CACNB2: variants seen among roughly 807,000 people sequenced by gnomAD.
CACNB2 encodes voltage-dependent L-type calcium channel subunit beta-2.
Under a neutral mutation model 73.3 loss-of-function variants are expected in CACNB2, and 42 were observed. The ratio of observed to expected loss-of-function variants is 0.57; its 90% CI spans 0.45 to 0.74. The LOEUF (loss-of-function observed/expected upper bound fraction) is 0.74, where lower values mean the gene tolerates loss of function less well. Ranked by LOEUF, CACNB2 falls within the 30% of genes least tolerant of loss-of-function variation. The pLI is 0.00. For synonymous variants in CACNB2, 348 were observed against 310.3 expected, an observed-to-expected ratio of 1.12 and a Z score of -1.28; for missense variants, 940 against 853.0, an observed-to-expected ratio of 1.10 and a Z score of -1.27.
intron 10 of CACNB2, among the ~76,000 whole-genome samples, chr10:18,532,225 T>A (rs1424700618): frequency 6.6e-6 from 1 of 152,200 alleles, no homozygotes; most frequent in African/African-American, 2.4e-5. Flanking sequence ...TTAAAACTCT[T>A]TCCCTTTAAT....
intron 2 of CACNB2, among the ~76,000 whole-genome samples, chr10:18,158,361 G>A (rs1422070069): frequency 6.6e-6 from 1 of 152,050 alleles, no homozygotes; most frequent in Admixed American, 6.6e-5. Context: ...ATAACCTCTA[G>A]GCACTGTTAT....
chr10:18,392,745 A>G (rs994231244), intron 2 of CACNB2, among the ~76,000 whole-genome samples: 10 of 152,144 alleles, frequency 6.6e-5, no homozygotes, highest in African/African-American at 2.2e-4. Flanking sequence ...AAAATTCCCT[A>G]CATACAATTT....
intron 3 of CACNB2, among the ~76,000 whole-genome samples, chr10:18,455,956 T>G (rs1029236987): frequency 2.0e-5 from 3 of 152,220 alleles, no homozygotes; most frequent in Non-Finnish European, 4.4e-5. Context: ...CCATTAAAGC[T>G]GATGTTTCTA....
intron 9 of CACNB2, among the ~76,000 whole-genome samples, chr10:18,527,338 T>C (rs1457809255): frequency 6.6e-6 from 1 of 151,350 alleles, no homozygotes; most frequent in Admixed American, 6.6e-5. Flanking sequence ...AACGCACCAC[T>C]GCATTGCAGC....
chr10:18,152,707 ACC>A (rs2031667739), intron 2 of CACNB2, among the ~76,000 whole-genome samples: 1 of 121,786 alleles, frequency 8.2e-6, no homozygotes, highest in Non-Finnish European at 1.6e-5. Flanking sequence ...CCTGAAACAG[ACC>A]AAAAAAAAAA....
At chr10:18,283,274 G>T (rs557332617) in intron 2 of CACNB2, among the ~76,000 whole-genome samples, 1 of 152,256 alleles carries the variant, frequency 6.6e-6, no homozygotes, top group South Asian at 2.1e-4. Flanking sequence ...ATTCCTCAGG[G>T]ATCTAGAACT....
chr10:18,261,287 G>T, intron 2 of CACNB2: 1 of 1,551,486 alleles, frequency 6.4e-7, no homozygotes, highest in East Asian at 2.4e-5. Context: ...GCTGCGGGCT[G>T]GTGCATCGCC....
intron 3 of CACNB2, among the ~76,000 whole-genome samples, chr10:18,457,344 C>A (rs536861085): frequency 6.6e-5 from 10 of 152,178 alleles, no homozygotes; most frequent in African/African-American, 2.2e-4. Context: ...CCTGCCTTAG[C>A]CTCCCAAAGT....
At chr10:18,471,936 C>G (rs563367870) in intron 3 of CACNB2, among the ~76,000 whole-genome samples, 62 of 152,286 alleles carry the variant, frequency 4.1e-4, no homozygotes, top group Non-Finnish European at 7.8e-4. Context: ...CATTTGTTTT[C>G]TGTTTAACTG....
At chr10:18,443,651 G>A (rs1193597081) in intron 3 of CACNB2, among the ~76,000 whole-genome samples, 2 of 151,906 alleles carry the variant, frequency 1.3e-5, no homozygotes, top group African/African-American at 4.8e-5. Context: ...GTATAATGTT[G>A]GAAGAGAGCC....
At chr10:18,223,757 G>A (rs1320961170) in intron 2 of CACNB2, among the ~76,000 whole-genome samples, 1 of 151,978 alleles carries the variant, frequency 6.6e-6, no homozygotes, top group Non-Finnish European at 1.5e-5. Flanking sequence ...TAAAAATAAA[G>A]CTGTAATAAT....
chr10:18,458,671 C>G (rs1371000048), intron 3 of CACNB2, among the ~76,000 whole-genome samples: 2 of 151,510 alleles, frequency 1.3e-5, no homozygotes, highest in Admixed American at 6.6e-5. Context: ...TTTTTTTTCA[C>G]TTGTTATTAG....
intron 2 of CACNB2, among the ~76,000 whole-genome samples, chr10:18,313,058 C>G (rs1293635242): frequency 6.6e-6 from 1 of 152,034 alleles, no homozygotes; most frequent in Non-Finnish European, 1.5e-5. Flanking sequence ...CTAGCATGCA[C>G]TAAGAATTTG....
intron 3 of CACNB2, among the ~76,000 whole-genome samples, chr10:18,496,814 C>CAAAA (rs905870687): frequency 3.5e-4 from 16 of 45,138 alleles, no homozygotes; most frequent in African/African-American, 8.3e-4. Context: ...AACTCCGCCT[C>CAAAA]AAAAAAAAAA....
intron 2 of CACNB2, among the ~76,000 whole-genome samples, chr10:18,189,309 A>T (rs560687515): frequency 6.6e-6 from 1 of 152,348 alleles, no homozygotes; most frequent in African/African-American, 2.4e-5. Context: ...AGTAATTCAT[A>T]TCAATTGATG....
intron 2 of CACNB2, among the ~76,000 whole-genome samples, chr10:18,190,290 T>C (rs16916941): frequency 0.029 from 4,411 of 152,184 alleles, 168 homozygotes; most frequent in African/African-American, 0.084. Flanking sequence ...TACAGAGGGT[T>C]CAAGAACATG....
At chr10:18,325,655 C>T in intron 2 of CACNB2, among the ~76,000 whole-genome samples, 1 of 144,004 alleles carries the variant, frequency 6.9e-6, no homozygotes, top group Admixed American at 7.2e-5. Flanking sequence ...CTTTCCTTCT[C>T]TCTCTCTCTT....
chr10:18,234,434 T>C (rs1163429673), intron 2 of CACNB2, among the ~76,000 whole-genome samples: 2 of 152,252 alleles, frequency 1.3e-5, no homozygotes, highest in African/African-American at 4.8e-5. Flanking sequence ...GAGAGAGATT[T>C]GTACAGCCAT....
intron 2 of CACNB2, among the ~76,000 whole-genome samples, chr10:18,362,404 T>G (rs568984316): frequency 4.7e-4 from 71 of 152,368 alleles, no homozygotes; most frequent in Non-Finnish European, 5.3e-4. Flanking sequence ...AAAATTTGAC[T>G]AGTTTTTTCT....
Sources: gnomAD v4.1 joint callset for allele counts (sites outside exome capture counted in the v4.1 genomes callset) on GRCh38, gnomAD v4.1.1 for gene constraint, MANE v1.5 for transcripts, NCBI Gene and HGNC (gene_info 2026-07-23, HGNC 2026-07-21) for gene names.